The following GTF2F2 variants were observed in gnomAD, a reference collection of about 807,000 sequenced individuals.
GTF2F2 encodes ATP-dependent helicase GTF2F2.
In GTF2F2, 23 loss-of-function variants were observed where a neutral mutation model predicts 42.2. The observed-to-expected ratio is 0.55, with a 90% CI of 0.39 to 0.77. The LOEUF is 0.77. Ranked by LOEUF, GTF2F2 falls within the 30% of genes least tolerant of loss-of-function variation. The pLI, the probability that GTF2F2 is intolerant of heterozygous loss-of-function variation, is 0.00. For synonymous variants in GTF2F2, 105 were observed against 100.8 expected (o/e 1.04, Z -0.25); for missense variants, 261 against 287.2 (o/e 0.91, Z 0.66).
intron 5 of GTF2F2, among the ~76,000 whole-genome samples, chr13:45,226,611 CT>C (rs1214951763): frequency 1.3e-5 from 2 of 151,982 alleles, no homozygotes; most frequent in African/African-American, 4.8e-5. Flanking sequence ...TTCTTCTTAC[CT>C]GTTTGGTCTT....
rs1873402026 is a variant in GTF2F2, at chr13:45,206,113, T to G, written c.305-1311T>G. On this transcript the variant is annotated intron_variant, in intron 4 of 7. Coordinates refer to ENST00000340473, the MANE Select transcript of GTF2F2 (RefSeq NM_004128.3). ...TAAAATATTTTCTTCCTGCCATATT[T>G]TGGTATAAGGTAGTCATGCTTCTCA... Among the ~76,000 whole-genome samples the G allele has an allele frequency of 2.6e-5, 4 of 152,336 alleles. No individual in the cohort carries two copies. The South Asian group carries it at 8.3e-4, about 32-fold the overall frequency.
At chr13:45,179,467 C>T (rs1872042134) in intron 4 of GTF2F2, among the ~76,000 whole-genome samples, 1 of 152,178 alleles carries the variant, frequency 6.6e-6, no homozygotes. Flanking sequence ...GACTCTGGGT[C>T]ACCCTAGTTA....
chr13:45,135,252 T>C (rs1035470953), intron 1 of GTF2F2, among the ~76,000 whole-genome samples: 1 of 149,838 alleles, frequency 6.7e-6, no homozygotes, highest in African/African-American at 2.5e-5. Flanking sequence ...CCACACCCCA[T>C]GAACCCATAG....
At chr13:45,271,859 C>T (rs562794325) in intron 7 of GTF2F2, among the ~76,000 whole-genome samples, 1 of 152,184 alleles carries the variant, frequency 6.6e-6, no homozygotes, top group East Asian at 1.9e-4. Context: ...AATCCTAAGC[C>T]AGGTATGTAG....
chr13:45,175,775 G>A (rs1476848156), intron 4 of GTF2F2, among the ~76,000 whole-genome samples: 2 of 151,910 alleles, frequency 1.3e-5, no homozygotes, highest in Non-Finnish European at 1.5e-5. Context: ...GGCATGCGCC[G>A]CTACACCTGG....
intron 4 of GTF2F2, among the ~76,000 whole-genome samples, chr13:45,171,069 CTTTTTTT>C (rs908914894): frequency 6.4e-5 from 6 of 94,240 alleles, no homozygotes; most frequent in South Asian, 6.8e-4. Context: ...AAAACCCTAT[CTTTTTTT>C]TTTTTTTTTT....
At chr13:45,137,192 A>G (rs1311786751) in intron 2 of GTF2F2, among the ~76,000 whole-genome samples, 2 of 152,182 alleles carry the variant, frequency 1.3e-5, no homozygotes, top group African/African-American at 4.8e-5. Flanking sequence ...CCACTGTACC[A>G]CTGGGCCTAC....
intron 2 of GTF2F2, among the ~76,000 whole-genome samples, chr13:45,143,584 GACCT>G (rs527638082): frequency 2.4e-4 from 36 of 152,304 alleles, no homozygotes; most frequent in Non-Finnish European, 5.9e-5. Context: ...GGTGTGGGAG[GACCT>G]TCCCTCCCTA....
chr13:45,142,940 CTGT>C (rs1870003342), intron 2 of GTF2F2, among the ~76,000 whole-genome samples: 2 of 152,216 alleles, frequency 1.3e-5, no homozygotes, highest in Non-Finnish European at 2.9e-5. Flanking sequence ...TGATAGATGT[CTGT>C]TGTTTAGAAT....
At chr13:45,231,607 A>G (rs1874688169) in intron 5 of GTF2F2, among the ~76,000 whole-genome samples, 1 of 152,038 alleles carries the variant, frequency 6.6e-6, no homozygotes, top group African/African-American at 2.4e-5. Context: ...ACTCTTTAAT[A>G]TCAGTATCAG....
intron 5 of GTF2F2, among the ~76,000 whole-genome samples, chr13:45,207,848 A>G (rs1315640541): frequency 6.6e-6 from 1 of 152,162 alleles, no homozygotes; most frequent in Non-Finnish European, 1.5e-5. Flanking sequence ...TTTCCATAAT[A>G]AATATGTATC....
At chr13:45,188,244 A>G (rs1231425316) in intron 4 of GTF2F2, among the ~76,000 whole-genome samples, 1 of 152,290 alleles carries the variant, frequency 6.6e-6, no homozygotes, top group Non-Finnish European at 1.5e-5. Flanking sequence ...AGCTGCTATT[A>G]TTATTTTGTT....
chr13:45,155,754 A>C (rs1870726684), intron 4 of GTF2F2, among the ~76,000 whole-genome samples: 1 of 152,124 alleles, frequency 6.6e-6, no homozygotes, highest in African/African-American at 2.4e-5. Flanking sequence ...ATGAAATTCA[A>C]AATGATCTAT....
rs939108410 is a variant in GTF2F2 at position 45,158,108 on chromosome 13, T to A, written c.304+6277T>A. 3.9e-5 allele frequency among the ~76,000 whole-genome samples: 6 copies of A among 152,344 alleles called. No homozygotes were observed. The East Asian group carries it at 1.2e-3, about 29-fold the overall frequency. On this transcript the variant is annotated intron_variant, in intron 4 of 7. Coordinates refer to ENST00000340473, the MANE Select transcript of GTF2F2 (RefSeq NM_004128.3). ...TTTCTGGATACCACTTGATATGGTTTGTCTCTGTCCCCACCCAAATCTCAT... is the reference window on the plus strand; with the variant it reads ...TTTCTGGATACCACTTGATATGGTTAGTCTCTGTCCCCACCCAAATCTCAT...
chr13:45,146,391 C>T (rs1353398276), intron 2 of GTF2F2, among the ~76,000 whole-genome samples: 1 of 151,998 alleles, frequency 6.6e-6, no homozygotes, highest in African/African-American at 2.4e-5. Context: ...CCCAGCCACT[C>T]CAGAGGCTGA....
intron 4 of GTF2F2, among the ~76,000 whole-genome samples, chr13:45,170,503 T>A (rs1049346706): frequency 6.6e-6 from 1 of 152,272 alleles, no homozygotes; most frequent in African/African-American, 2.4e-5. Context: ...GAATTACTTT[T>A]CATGAGTTTT....
At chr13:45,172,301 G>A (rs937066439) in intron 4 of GTF2F2, among the ~76,000 whole-genome samples, 1 of 152,082 alleles carries the variant, frequency 6.6e-6, no homozygotes, top group Non-Finnish European at 1.5e-5. Context: ...GATTGATGTT[G>A]AATATCTTTT....
intron 6 of GTF2F2, among the ~76,000 whole-genome samples, chr13:45,266,428 A>G (rs1025718397): frequency 6.6e-6 from 1 of 152,182 alleles, no homozygotes; most frequent in Admixed American, 6.5e-5. Flanking sequence ...GAAAAGGTCC[A>G]TGTCCTTTCC....
chr13:45,273,046 C>T (rs1876869055), intron 7 of GTF2F2, among the ~76,000 whole-genome samples: 1 of 151,404 alleles, frequency 6.6e-6, no homozygotes, highest in African/African-American at 2.4e-5. Context: ...CTGCCTCAGC[C>T]TCCCGAGTAG....
Sources: gnomAD v4.1 joint callset for allele counts (sites outside exome capture counted in the v4.1 genomes callset) on GRCh38, gnomAD v4.1.1 for gene constraint, MANE v1.5 for transcripts, NCBI Gene and HGNC (gene_info 2026-07-23, HGNC 2026-07-21) for gene names.